Variants in SEC63 observed in about 807,000 individuals in gnomAD.
The protein encoded by SEC63 is translocation protein SEC63 homolog.
In SEC63, 56 loss-of-function variants were observed where a neutral mutation model predicts 116.2. The ratio of observed to expected loss-of-function variants is 0.48; its 90% CI spans 0.39 to 0.60. The LOEUF is 0.60. Ranked by LOEUF, SEC63 falls within the 20% of genes least tolerant of loss-of-function variation. The probability of loss-of-function intolerance (pLI) is 0.00; values close to 1 mark genes in which losing one functional copy is unlikely to be tolerated. For synonymous variants in SEC63, 273 were observed against 294.6 expected (o/e 0.93, Z 0.75); for missense variants, 668 against 900.0 (o/e 0.74, Z 3.30).
chr6:107,944,696 C>CAAAATA (rs57347234), intron 1 of SEC63, among the ~76,000 whole-genome samples: 144,392 of 149,048 alleles, frequency 0.97, 69,987 homozygotes, highest in Middle Eastern at 0.99. Flanking sequence ...CTCTTGTCTC[C>CAAAATA]AAAATAAAAA....
At chr6:107,896,879 T>C (rs566105776) in intron 14 of SEC63, among the ~76,000 whole-genome samples, 71 of 151,700 alleles carry the variant, frequency 4.7e-4, no homozygotes, top group Middle Eastern at 3.4e-3. Flanking sequence ...CTCGGGAGGC[T>C]GAGGCAGGAG....
At chr6:107,922,052 T>C (rs1417729266) in intron 3 of SEC63, 143 bp from the exon 4 acceptor site, 2 of 606,958 alleles carry the variant, frequency 3.3e-6, no homozygotes, top group South Asian at 2.0e-5. Flanking sequence ...TTTCATCCTA[T>C]ATATTTTTCC....
intron 1 of SEC63, among the ~76,000 whole-genome samples, chr6:107,947,268 G>T (rs148258526): frequency 1.3e-5 from 2 of 151,930 alleles, no homozygotes; most frequent in Non-Finnish European, 2.9e-5. Context: ...CTGCACTCCA[G>T]CCTGGGTGAC....
At chr6:107,911,210 C>T (rs368046525) in intron 7 of SEC63, 136 bp downstream of exon 7, 1 of 708,816 alleles carries the variant, frequency 1.4e-6, no homozygotes, top group Non-Finnish European at 2.5e-6. Context: ...TCCCACCTCA[C>T]CTTCAGTGGC....
Position 107,934,443 on chromosome 6 carries a change from G to A in SEC63, c.125-4929C>T, listed in dbSNP as rs1297924497. On this transcript the variant is annotated intron_variant, in intron 1 of 20. Transcript: ENST00000369002. ...GTCTGGGATGTGAGAGTGCCCGGCC[G>A]CGACCCCGTCTGGGAGGTGAGGAGC... is the stretch of plus-strand genomic sequence containing the variant. Among the ~76,000 whole-genome samples, 17 of 149,518 alleles carry A rather than the reference G, an allele frequency of 1.1e-4. No homozygotes were observed. In the South Asian group the frequency reaches 2.6e-3, roughly 23 times the overall value.
chr6:107,927,988 G>C (rs1183884497), intron 2 of SEC63, among the ~76,000 whole-genome samples: 1 of 151,978 alleles, frequency 6.6e-6, no homozygotes, highest in Non-Finnish European at 1.5e-5. Context: ...TTCCCACTTG[G>C]AACCCGCAGA....
chr6:107,915,708 C>T (rs144730140), intron 4 of SEC63, among the ~76,000 whole-genome samples: 30 of 152,094 alleles, frequency 2.0e-4, no homozygotes, highest in African/African-American at 7.0e-4. Context: ...TCTCAAATAA[C>T]CTAAGCAAGT....
rs754467231 is a variant in SEC63, at chr6:107,957,614, AAG to A, written c.124+270_124+271del. On this transcript the variant is annotated intron_variant, in intron 1 of 20. Coordinates refer to ENST00000369002, the MANE Select transcript of SEC63 (RefSeq NM_007214.5). ...AATAAAAGCAAAGGCAGAGAAGACA[AAG>A]AGGCAGGAGGAGGCTGCAAGGAGCG... 599 of 281,164 alleles carry A rather than the reference AAG, an allele frequency of 2.1e-3. 2 individuals carry two copies. Among genetic ancestry groups the A allele is most frequent in the Non-Finnish European group, 3.3e-3 (509 of 152,726 alleles). The allele number at this position is 281,164 out of a possible 1,614,324, so 17.4% of individuals were successfully genotyped here.
chr6:107,894,903 T>G (rs1200235959), intron 14 of SEC63, among the ~76,000 whole-genome samples: 4 of 152,164 alleles, frequency 2.6e-5, no homozygotes, highest in African/African-American at 9.7e-5. Flanking sequence ...CACCTGCTTT[T>G]TAAAACAAAG....
At chr6:107,923,340 T>C (rs1787600477) in intron 3 of SEC63, among the ~76,000 whole-genome samples, 1 of 152,094 alleles carries the variant, frequency 6.6e-6, no homozygotes, top group Non-Finnish European at 1.5e-5. Flanking sequence ...TCTCAAACTC[T>C]TGGCCTCAAG....
At chr6:107,881,310 T>C in intron 17 of SEC63, 60 bp from the exon 18 acceptor site, 1 of 1,159,034 alleles carries the variant, frequency 8.6e-7, no homozygotes, top group Non-Finnish European at 1.3e-6. Flanking sequence ...ACTTTAAGGA[T>C]TTCCAGGTAT....
intron 10 of SEC63, 151 bp from the exon 11 acceptor site, chr6:107,904,872 C>T (rs1787108433): frequency 1.4e-6 from 1 of 708,716 alleles, no homozygotes; most frequent in Non-Finnish European, 2.5e-6. Context: ...AGTTTCTCCT[C>T]AGTATCACTA....
intron 16 of SEC63, among the ~76,000 whole-genome samples, chr6:107,890,868 CT>C (rs1333984261): frequency 1.3e-5 from 2 of 152,110 alleles, no homozygotes; most frequent in African/African-American, 4.8e-5. Flanking sequence ...GTTGAAAATT[CT>C]TTTCTTTAAG....
At chr6:107,903,196 C>A in intron 11 of SEC63, 198 bp from the exon 12 acceptor site, 2 of 639,338 alleles carry the variant, frequency 3.1e-6, no homozygotes, top group South Asian at 1.8e-5. Flanking sequence ...TTTCCAGCAA[C>A]AACCATTGAT....
rs1480045338 is a variant in SEC63 at position 107,869,549 on chromosome 6, T to A, written c.*2155A>T. The A allele has an allele frequency of 1.3e-5, 2 of 152,148 alleles. No individual in the cohort carries two copies. The highest frequency in any genetic ancestry group is 1.5e-5 in the Non-Finnish European group (1 of 68,038). The allele number at this position is 152,148 out of a possible 1,614,324, so 9.4% of individuals were successfully genotyped here. Reference sequence around the variant, plus strand: ...ATTAAATGCAAACTAGGATAGTTTGTTATTCTCATTCCAGAGGAAAAACGA... The same window carrying A: ...ATTAAATGCAAACTAGGATAGTTTGATATTCTCATTCCAGAGGAAAAACGA... On this transcript the variant is annotated 3_prime_UTR_variant, in exon 21 of 21. Coordinates refer to ENST00000369002, the MANE Select transcript of SEC63 (RefSeq NM_007214.5).
intron 1 of SEC63, among the ~76,000 whole-genome samples, chr6:107,933,642 G>A (rs1261383865): frequency 6.6e-6 from 1 of 152,078 alleles, no homozygotes; most frequent in Non-Finnish European, 1.5e-5. Flanking sequence ...CAGACTAAAG[G>A]AGACTAAAGA....
chr6:107,942,941 A>G (rs917283121), intron 1 of SEC63, among the ~76,000 whole-genome samples: 2 of 152,248 alleles, frequency 1.3e-5, no homozygotes, highest in African/African-American at 4.8e-5. Flanking sequence ...TTCTGGTATT[A>G]TCATGACTTT....
chr6:107,873,452 T>C (rs1786181331), intron 19 of SEC63, among the ~76,000 whole-genome samples: 1 of 152,150 alleles, frequency 6.6e-6, no homozygotes, highest in Non-Finnish European at 1.5e-5. Flanking sequence ...AAAATGACAT[T>C]TGTATTCTCT....
intron 13 of SEC63, 111 bp from the exon 14 acceptor site, chr6:107,897,842 C>A: frequency 1.3e-6 from 1 of 750,618 alleles, no homozygotes; most frequent in Non-Finnish European, 2.4e-6. Context: ...GTATTTCAAG[C>A]ATATTATATT....
Sources: allele counts gnomAD v4.1 joint callset (sites outside exome capture counted in the v4.1 genomes callset), GRCh38; gene constraint gnomAD v4.1.1; transcripts MANE v1.5; gene names NCBI Gene and HGNC (gene_info 2026-07-23, HGNC 2026-07-21).